The following ADGRA3 variants were observed in gnomAD, a reference collection of about 807,000 sequenced individuals.
ADGRA3 encodes adhesion G protein-coupled receptor A3.
ADGRA3 carries 56 observed loss-of-function variants against 119.8 expected under a neutral mutation model. That is an observed-to-expected ratio of 0.47 (90% confidence interval 0.38 to 0.58). The LOEUF is 0.58. ADGRA3 is among the 20% of genes least tolerant of loss of function. ADGRA3 has a pLI of 0.00. For missense variants in ADGRA3, 1,516 were observed against 1,649.0 expected (o/e 0.92, Z 1.40); for synonymous variants, 607 against 623.8 (o/e 0.97, Z 0.40).
At chr4:22,492,663 G>T (rs940043244) in intron 1 of ADGRA3, among the ~76,000 whole-genome samples, 5 of 152,106 alleles carry the variant, frequency 3.3e-5, no homozygotes, top group African/African-American at 9.7e-5. Flanking sequence ...GGTGTAGCTG[G>T]GTGGATTTCT....
intron 14 of ADGRA3, among the ~76,000 whole-genome samples, chr4:22,411,731 C>G (rs1452776464): frequency 1.3e-5 from 2 of 152,132 alleles, no homozygotes; most frequent in Non-Finnish European, 1.5e-5. Flanking sequence ...ACTGTCAACA[C>G]TAAAGTTAAT....
At chr4:22,497,242 C>G (rs562697269) in intron 1 of ADGRA3, among the ~76,000 whole-genome samples, 1 of 152,040 alleles carries the variant, frequency 6.6e-6, no homozygotes, top group Non-Finnish European at 1.5e-5. Context: ...AAAAATAACA[C>G]TGTGATATAA....
intron 7 of ADGRA3, among the ~76,000 whole-genome samples, chr4:22,439,375 T>A (rs552960114): frequency 5.9e-5 from 9 of 152,202 alleles, no homozygotes; most frequent in Non-Finnish European, 1.3e-4. Flanking sequence ...ATAAAACCTA[T>A]TAATTAAGGA....
intron 1 of ADGRA3, 139 bp from the exon 2 acceptor site, chr4:22,473,982 G>C (rs888153402): frequency 3.6e-5 from 18 of 503,528 alleles, no homozygotes; most frequent in African/African-American, 7.9e-5. Context: ...CTGAAAAAAA[G>C]TGAGTGTCTT....
At chr4:22,473,711 G>T in intron 2 of ADGRA3, 61 bp downstream of exon 2, 1 of 940,810 alleles carries the variant, frequency 1.1e-6, no homozygotes, top group South Asian at 2.0e-5. Context: ...TTACAATGAA[G>T]ATTTACAATG....
At chr4:22,504,665 C>T (rs1719175525) in intron 1 of ADGRA3, among the ~76,000 whole-genome samples, 1 of 151,946 alleles carries the variant, frequency 6.6e-6, no homozygotes, top group Non-Finnish European at 1.5e-5. Context: ...CATCGTCTTT[C>T]CTCTGCTTGT....
rs1217479488 is a variant in ADGRA3, at chr4:22,420,891, G to A, written c.1804C>T (p.Leu602=). The A allele has an allele frequency of 6.2e-7, 1 of 1,613,338 alleles. No individual in the cohort carries two copies. ...NVSNTFSSLA[L]KNTIVEASIQ... is the part of the protein sequence containing the mutation. ...GATTGCAGAATGTAACATACCTTTA[G>A]TGCCAGACTCGAAAATGTATTTGAA... Residue 602 remains leucine, a synonymous_variant, in exon 12 of 19, where the codon CTA becomes TTA. Coordinates refer to ENST00000334304, the MANE Select transcript of ADGRA3 (RefSeq NM_145290.4).
intron 1 of ADGRA3, among the ~76,000 whole-genome samples, chr4:22,501,812 A>G (rs1719056416): frequency 6.6e-6 from 1 of 152,202 alleles, no homozygotes; most frequent in Non-Finnish European, 1.5e-5. Context: ...AGAATATTAT[A>G]AAACTTTAAA....
intron 7 of ADGRA3, among the ~76,000 whole-genome samples, chr4:22,441,011 G>T (rs764968761): frequency 1.3e-4 from 20 of 152,238 alleles, no homozygotes; most frequent in Middle Eastern, 6.8e-3. Flanking sequence ...ACAATCATTT[G>T]AACATATGAA....
intron 1 of ADGRA3, among the ~76,000 whole-genome samples, chr4:22,482,575 G>A (rs149521153): frequency 9.5e-4 from 144 of 152,114 alleles, no homozygotes; most frequent in Middle Eastern, 6.8e-3. Context: ...TGAGTGGAGA[G>A]GATTGCTCAA....
intron 1 of ADGRA3, among the ~76,000 whole-genome samples, chr4:22,482,691 G>A (rs1718294098): frequency 6.6e-6 from 1 of 152,068 alleles, no homozygotes; most frequent in Admixed American, 6.5e-5. Flanking sequence ...AACCCATGAT[G>A]TAGATATTAT....
At chr4:22,392,964 T>C in intron 16 of ADGRA3, 1 of 292,346 alleles carries the variant, frequency 3.4e-6, no homozygotes, top group Non-Finnish European at 6.3e-6. Flanking sequence ...CAGAACTGGC[T>C]CCCAGACATT....
At chr4:22,495,736 G>C (rs1160807825) in intron 1 of ADGRA3, among the ~76,000 whole-genome samples, 3 of 151,470 alleles carry the variant, frequency 2.0e-5, no homozygotes, top group Non-Finnish European at 4.4e-5. Flanking sequence ...GTGAAACCCC[G>C]TCGCTACTAA....
Position 22,392,679 on chromosome 4 carries a change from A to G in ADGRA3, c.2493T>C (p.Ile831=), listed in dbSNP as rs1488414446. ...NASICQAVGI[I]LHYSTLATVL... is the part of the protein sequence containing the mutation. ...CTGTGGCAAGGGTGGAATAGTGAAG[A>G]ATTATCCCAACCTACAAGGAAGATC... Residue 831 remains isoleucine (I), a synonymous_variant, in exon 17 of 19, where the codon ATT becomes ATC. Transcript: ENST00000334304. 2.5e-6 allele frequency: 4 copies of G among 1,612,696 alleles called. No homozygotes were observed. The highest frequency in any genetic ancestry group is 1.7e-6 in the Non-Finnish European group (2 of 1,179,474).
Position 22,388,637 on chromosome 4 carries a change from A to T in ADGRA3, c.3034T>A (p.Phe1012Ile). 2 of 1,614,088 alleles carry T rather than the reference A, an allele frequency of 1.2e-6. No individual in the cohort carries two copies. Among genetic ancestry groups the T allele is most frequent in the Non-Finnish European group, 1.7e-6 (2 of 1,180,000 alleles). ...TACAAAGAAACAGCCAAAGCCCCAA[A>T]CATCCACAGTGCAACATATAAGAGC... is the stretch of plus-strand genomic sequence containing the variant. Reference protein sequence around the residue: ...TLLLYVALWMFGALAVSLYYP... With the variant: ...TLLLYVALWMIGALAVSLYYP... Residue 1012 changes from phenylalanine (F) to isoleucine (I), a missense_variant, in exon 19 of 19, where the codon TTT becomes ATT. Phe to Ile is a conservative substitution (Grantham distance 21). Coordinates refer to ENST00000334304, the MANE Select transcript of ADGRA3 (RefSeq NM_145290.4).
In ADGRA3 at chr4:22,429,722, G is replaced by A. The variant is rs114565748; in HGVS notation, c.1444-5370C>T. 2.3e-3 allele frequency among the ~76,000 whole-genome samples: 354 copies of A among 152,198 alleles called. 1 individual carries two copies. Among genetic ancestry groups the A allele is most frequent in the African/African-American group, 7.9e-3 (327 of 41,540 alleles). ...CAAACAGGTCCTTTATACTACTTTCGTGTTCTTAAAAACCTCAAGCTAAAA... is the reference window on the plus strand; with the variant it reads ...CAAACAGGTCCTTTATACTACTTTCATGTTCTTAAAAACCTCAAGCTAAAA... On this transcript the variant is annotated intron_variant, in intron 10 of 18. Transcript: ENST00000334304.
chr4:22,472,041 C>A (rs139094469), intron 2 of ADGRA3, among the ~76,000 whole-genome samples: 1 of 152,144 alleles, frequency 6.6e-6, no homozygotes, highest in East Asian at 1.9e-4. Flanking sequence ...TGAACAGCCA[C>A]ATCAATCTTA....
chr4:22,395,068 G>A (rs140882606), intron 16 of ADGRA3, among the ~76,000 whole-genome samples: 101 of 152,156 alleles, frequency 6.6e-4, no homozygotes, highest in African/African-American at 2.4e-3. Context: ...AGATGTACAT[G>A]GCAATTCTGT....
chr4:22,401,622 C>A, intron 15 of ADGRA3, 68 bp from the exon 16 acceptor site: 1 of 1,210,198 alleles, frequency 8.3e-7, no homozygotes, highest in Non-Finnish European at 1.2e-6. Flanking sequence ...TGATGTTCAT[C>A]TTAATTCCAA....
Sources: gnomAD v4.1 joint callset for allele counts (sites outside exome capture counted in the v4.1 genomes callset) on GRCh38, gnomAD v4.1.1 for gene constraint, MANE v1.5 for transcripts, NCBI Gene and HGNC (gene_info 2026-07-23, HGNC 2026-07-21) for gene names.